NBPF14: variants seen among roughly 807,000 people sequenced by gnomAD.
The protein encoded by NBPF14 is NBPF member 14.
In NBPF14, 104 loss-of-function variants were observed where a neutral mutation model predicts 91.2. The observed-to-expected ratio is 1.14, with a 90% CI of 0.97 to 1.34. The LOEUF is 1.34. Ranked by LOEUF, NBPF14 falls within the 40% of genes most tolerant of loss-of-function variation. NBPF14 has a pLI of 0.00. For missense variants in NBPF14, 908 were observed against 783.0 expected (o/e 1.16, Z -1.91); for synonymous variants, 294 against 303.8 (o/e 0.97, Z 0.34).
At chr1:148,577,694 C>T (rs1472386237) in intron 14 of NBPF14, among the ~76,000 whole-genome samples, 1 of 146,662 alleles carries the variant, frequency 6.8e-6, no homozygotes, top group South Asian at 2.2e-4. Flanking sequence ...TCATGAAAAG[C>T]ATGTCCTCAA....
intron 9 of NBPF14, 131 bp from the exon 10 acceptor site, chr1:148,585,344 T>C (rs1661336565): frequency 3.1e-6 from 2 of 636,040 alleles, no homozygotes; most frequent in African/African-American, 1.8e-5. Flanking sequence ...TCATGTTTTA[T>C]CTTTAACAGA....
Position 148,533,954 on chromosome 1 carries a change from C to A in NBPF14, c.8630G>T (p.Gly2877Val), listed in dbSNP as rs1378729430. 5 of 720,212 alleles carry A rather than the reference C, an allele frequency of 6.9e-6. No individual in the cohort carries two copies. In the Admixed American group the frequency reaches 9.9e-5, roughly 14 times the overall value. 44.6% of individuals were successfully genotyped at this position (720,212 alleles called of 1,614,324 possible). A position where few individuals can be genotyped will look rare whatever the true frequency, so the allele number is the denominator to read the frequency against. The stretch of plus-strand genomic sequence containing the variant: ...TCTTCCCCTTCTTTTTTTCCCCTTC[C>A]CCTTCTTTTCAATTTCTGCAATAAA... The change falls in exon 70 of 71, where the codon GGG (glycine) becomes GTG (valine). Residue 2877 changes from glycine (G) to valine (V), a missense_variant. Around this residue, in one of 13 missense-constraint regions of NBPF14, gnomAD observed 279 missense variants for 107.7 expected, o/e 2.59. Transcript: ENST00000619423.
intron 6 of NBPF14, among the ~76,000 whole-genome samples, chr1:148,589,885 A>G (rs2149576014): frequency 6.8e-6 from 1 of 147,796 alleles, no homozygotes; most frequent in East Asian, 1.9e-4. Flanking sequence ...AGCGCCAAGT[A>G]ACATGCCAGC....
exon 29 of NBPF14, chr1:148,566,187 T>G (rs1658230833): frequency 2.0e-5 from 11 of 551,582 alleles, no homozygotes; most frequent in Middle Eastern, 4.6e-4. Flanking sequence ...CTCCAATGCA[T>G]AAAAGGAACT....
rs1245005105 is a variant in NBPF14, at chr1:148,559,694, A to G, written c.4729+99T>C. The G allele has an allele frequency of 7.0e-5, 49 of 697,774 alleles. 2 individuals are homozygous for G. The highest frequency in any genetic ancestry group is 9.7e-5 in the Non-Finnish European group (40 of 410,722). 43.2% of individuals were successfully genotyped at this position (697,774 alleles called of 1,614,324 possible). On this transcript the variant is annotated intron_variant, in intron 37 of 70. Transcript: ENST00000619423. ...GTGCCTATAGGTCCTCCCTGTGGCAATGACATCTCTCAGCTCAGTAAGGGC... is the reference window on the plus strand; with the variant it reads ...GTGCCTATAGGTCCTCCCTGTGGCAGTGACATCTCTCAGCTCAGTAAGGGC...
At chr1:148,559,323 G>A (rs1409007795) in intron 37 of NBPF14, among the ~76,000 whole-genome samples, 2 of 125,368 alleles carry the variant, frequency 1.6e-5, no homozygotes, top group Non-Finnish European at 3.1e-5. Flanking sequence ...CCAAGTTTGT[G>A]CAAATGGTTA....
In NBPF14 at chr1:148,566,304, T is replaced by A; in HGVS notation, c.3554A>T (p.Glu1185Val). ...TTCAGGCTCTACTACCTCCAGCAGC[T>A]CCCTGCTGAGCCTGGAAAAGGAGGA... is the stretch of plus-strand genomic sequence containing the variant. Residue 1185 changes from glutamate (E) to valine (V), a missense_variant, in exon 29 of 71, where the codon GAG becomes GTG. Around this residue, in one of 13 missense-constraint regions of NBPF14, gnomAD observed 447 missense variants for 189.1 expected, o/e 2.36. Coordinates refer to ENST00000619423, the Ensembl canonical transcript of NBPF14. 2 of 710,908 alleles carry A rather than the reference T, an allele frequency of 2.8e-6. 1 individual carries two copies. Among genetic ancestry groups the A allele is most frequent in the Non-Finnish European group, 5.0e-6 (2 of 397,998 alleles). The allele number at this position is 710,908 out of a possible 1,614,324, so 44.0% of individuals were successfully genotyped here. A position where few individuals can be genotyped will look rare whatever the true frequency, so the allele number is the denominator to read the frequency against.
chr1:148,591,710 T>C (rs1360800643), intron 4 of NBPF14, among the ~76,000 whole-genome samples: 1 of 148,036 alleles, frequency 6.8e-6, no homozygotes, highest in Non-Finnish European at 1.5e-5. Flanking sequence ...ACCATCAAGA[T>C]GTGGCCAAAT....
chr1:148,592,745 G>C lies in NBPF14; in HGVS notation c.300C>G (p.His100Gln). Reference sequence around the variant, plus strand: ...GCTGGGTCAGCTCTCGTTCCTGAGAGTGAACCAGGACTTTATATTGCCTAA... The same window carrying C: ...GCTGGGTCAGCTCTCGTTCCTGAGACTGAACCAGGACTTTATATTGCCTAA... Residue 100 changes from histidine (H) to glutamine (Q), a missense_variant, in exon 4 of 71, where the codon CAC (histidine) becomes CAG (glutamine). By Grantham distance (24) the His-to-Gln change is conservative. This residue lies in a region of NBPF14 where 61 missense variants were observed against 56.4 expected (regional missense o/e 1.08). Transcript: ENST00000619423. 1.2e-5 allele frequency: 19 copies of C among 1,585,228 alleles called. 3 individuals are homozygous for C. The highest frequency in any genetic ancestry group is 1.6e-5 in the Non-Finnish European group (18 of 1,159,676).
chr1:148,591,360 C>A, intron 5 of NBPF14, 72 bp downstream of exon 5: 1 of 1,474,784 alleles, frequency 6.8e-7, no homozygotes. Flanking sequence ...TCATAGATGC[C>A]AGAGAGGGTG....
intron 36 of NBPF14, 87 bp downstream of exon 36, chr1:148,560,497 A>G (rs1457624799): frequency 1.0e-4 from 26 of 258,618 alleles, no homozygotes; most frequent in Non-Finnish European, 1.7e-4. Context: ...CGCTGAAAAC[A>G]TGTCATCAAA....
In NBPF14 at chr1:148,558,146, G is replaced by A. The variant is rs1203372323; in HGVS notation, c.4954+106C>T. 2.5e-4 allele frequency: 59 copies of A among 238,784 alleles called. 9 individuals are homozygous for A. Among genetic ancestry groups the A allele is most frequent in the Non-Finnish European group, 3.9e-4 (56 of 142,458 alleles). The allele number at this position is 238,784 out of a possible 1,614,324, so 14.8% of individuals were successfully genotyped here. A position where few individuals can be genotyped will look rare whatever the true frequency, so the allele number is the denominator to read the frequency against. Reference sequence around the variant, plus strand: ...CTATATGCGCCCATAGGTTCTGCCTGCGGCAATGACGTCTCTCGGGTCAGT... The same window carrying A: ...CTATATGCGCCCATAGGTTCTGCCTACGGCAATGACGTCTCTCGGGTCAGT... On this transcript the variant is annotated intron_variant, in intron 39 of 70. Transcript: ENST00000619423.
chr1:148,533,953 C>T (rs1447241601), exon 70 of NBPF14: 1 of 723,028 alleles, frequency 1.4e-6, no homozygotes, highest in Non-Finnish European at 2.5e-6. Context: ...TTTTCCCCTT[C>T]CCCTTCTTTT....
rs1661715415 is a variant in NBPF14, at chr1:148,587,317, G to C, written c.1075C>G (p.Gln359Glu). 2.5e-6 allele frequency: 4 copies of C among 1,580,864 alleles called. 1 individual carries two copies. The highest frequency in any genetic ancestry group is 2.2e-5 in the East Asian group (1 of 44,866). The stretch of plus-strand genomic sequence containing the variant: ...TCCCCTCACCTGAGCTCCTCAGCTT[G>C]CTTCAGCTGCTCCGCAAGCTTCTCC... Residue 359 changes from glutamine (Q) to glutamate (E), a missense_variant, in exon 8 of 71, where the codon CAA (glutamine) becomes GAA (glutamate). Physicochemically the swap from Gln to Glu is conservative, Grantham distance 29. This residue lies in a region of NBPF14 where 39 missense variants were observed against 35.8 expected (regional missense o/e 1.09). Transcript: ENST00000619423.
Position 148,566,180 on chromosome 1 carries a change from C to CA in NBPF14, c.3677dup (p.Leu1226PhefsTer11). The CA allele has an allele frequency of 1.8e-6, 1 of 542,950 alleles. No individual in the cohort carries two copies. The highest frequency in any genetic ancestry group is 3.2e-6 in the Non-Finnish European group (1 of 312,762). 33.6% of individuals were successfully genotyped at this position (542,950 alleles called of 1,614,324 possible). On this transcript the variant is annotated frameshift_variant, in exon 29 of 71. Coordinates refer to ENST00000619423, the Ensembl canonical transcript of NBPF14. LOFTEE classifies it high-confidence loss of function. ...GAGAAAAGCCAACATGTTTTTCCTC[C>CA]AATGCATAAAAGGAACTTCCATAGG...
At chr1:148,574,461 A>ACT (rs1659478194) in intron 18 of NBPF14, among the ~76,000 whole-genome samples, 1 of 55,984 alleles carries the variant, frequency 1.8e-5, no homozygotes, top group East Asian at 4.9e-4. Context: ...ACACACACAC[A>ACT]CACACACACA....
intron 69 of NBPF14, 75 bp downstream of exon 69, chr1:148,534,609 C>T (rs1287041833): frequency 4.1e-5 from 37 of 907,510 alleles, no homozygotes; most frequent in African/African-American, 5.0e-5. Context: ...TGAGTAAGGG[C>T]CACTTGGAAT....
rs1404736075 is a variant in NBPF14 at position 148,595,240 on chromosome 1, G to A, written c.175+303C>T. On this transcript the variant is annotated intron_variant, in intron 2 of 70. Coordinates refer to ENST00000619423, the Ensembl canonical transcript of NBPF14. ...TCTGCAGGATCTTATATGGTACAGA[G>A]AGGATTCTTGAAAACACGATTGAGC... is the stretch of plus-strand genomic sequence containing the variant. 6.8e-5 allele frequency among the ~76,000 whole-genome samples: 10 copies of A among 147,918 alleles called. 1 individual carries two copies. The highest frequency in any genetic ancestry group is 1.4e-4 in the Non-Finnish European group (9 of 66,438).
intron 28 of NBPF14, among the ~76,000 whole-genome samples, chr1:148,566,532 C>A (rs1363500445): frequency 8.0e-6 from 1 of 124,544 alleles, no homozygotes; most frequent in South Asian, 2.5e-4. Flanking sequence ...CACACACACA[C>A]ACACACACAA....
Sources: gnomAD v4.1 joint callset for allele counts (sites outside exome capture counted in the v4.1 genomes callset) on GRCh38, gnomAD v4.1.1 for gene constraint, gnomAD v4.1.1 regional missense constraint, MANE v1.5 for transcripts, NCBI Gene and HGNC (gene_info 2026-07-23, HGNC 2026-07-21) for gene names.